ANKLE2: variants seen among roughly 807,000 people sequenced by gnomAD.
The protein encoded by ANKLE2 is ankyrin repeat and LEM domain containing 2.
ANKLE2 carries 55 observed loss-of-function variants against 84.2 expected under a neutral mutation model. The observed-to-expected ratio is 0.65, with a 90% CI of 0.53 to 0.82. The LOEUF (loss-of-function observed/expected upper bound fraction) is 0.82, where lower values mean the gene tolerates loss of function less well. Ranked by LOEUF, ANKLE2 falls within the 40% of genes least tolerant of loss-of-function variation. The probability of loss-of-function intolerance (pLI) is 0.00; values close to 1 mark genes in which losing one functional copy is unlikely to be tolerated. For missense variants in ANKLE2, 1,238 were observed against 1,201.9 expected, an observed-to-expected ratio of 1.03 and a Z score of -0.44; for synonymous variants, 551 against 486.1, an observed-to-expected ratio of 1.13 and a Z score of -1.76.
intron 8 of ANKLE2, 32 bp downstream of exon 8, chr12:132,736,861 C>T (rs774004582): frequency 5.7e-6 from 9 of 1,573,546 alleles, no homozygotes; most frequent in Non-Finnish European, 7.8e-6. Flanking sequence ...GACAGCCAGG[C>T]ACCACTTCCA....
chr12:132,754,199 G>A (rs1024493205), intron 2 of ANKLE2, among the ~76,000 whole-genome samples: 19 of 152,134 alleles, frequency 1.2e-4, no homozygotes, highest in African/African-American at 2.4e-4. Flanking sequence ...CTGAGATCAC[G>A]CCACTGCACT....
intron 1 of ANKLE2, chr12:132,758,278 C>G (rs2044527128): frequency 6.6e-6 from 1 of 152,120 alleles, no homozygotes; most frequent in Non-Finnish European, 1.5e-5. Context: ...GGCATGGTGG[C>G]ATGCACCTGT....
At chr12:132,749,255 A>C (rs1216159027) in intron 3 of ANKLE2, among the ~76,000 whole-genome samples, 1 of 152,034 alleles carries the variant, frequency 6.6e-6, no homozygotes, top group Non-Finnish European at 1.5e-5. Flanking sequence ...TTCCAGTTTC[A>C]AGCAATTCTC....
At chr12:132,757,558 C>T (rs1398087840) in intron 1 of ANKLE2, 1 of 152,390 alleles carries the variant, frequency 6.6e-6, no homozygotes, top group Non-Finnish European at 1.5e-5. Context: ...CGCGGTGACT[C>T]ATGCCTGTAA....
At position 132,727,092 on chromosome 12, in the gene ANKLE2, T is replaced by TAGA; in HGVS notation, c.*147_*149dup. Reference sequence around the variant, plus strand: ...AAATATCAGAAATCTAAGTGTTATATAGAACATTTAAATCTTCTAAAATTC... The same window carrying TAGA: ...AAATATCAGAAATCTAAGTGTTATATAGAAGAACATTTAAATCTTCTAAAATTC... On this transcript the variant is annotated 3_prime_UTR_variant, in exon 13 of 13. Coordinates refer to ENST00000357997, the MANE Select transcript of ANKLE2 (RefSeq NM_015114.3). 5.9e-6 allele frequency: 5 copies of TAGA among 846,746 alleles called. No individual in the cohort carries two copies. Among genetic ancestry groups the TAGA allele is most frequent in the Non-Finnish European group, 8.6e-6 (5 of 580,438 alleles). The allele number at this position is 846,746 out of a possible 1,614,324, so 52.5% of individuals were successfully genotyped here. A position where few individuals can be genotyped will look rare whatever the true frequency, so the allele number is the denominator to read the frequency against.
chr12:132,759,315 A>G (rs1164534811), intron 1 of ANKLE2: 1 of 152,256 alleles, frequency 6.6e-6, no homozygotes, highest in African/African-American at 2.4e-5. Flanking sequence ...GTTTCTGGTA[A>G]TTACAAATAA....
At chr12:132,748,433 T>C in intron 3 of ANKLE2, 102 bp from the exon 4 acceptor site, 1 of 1,361,146 alleles carries the variant, frequency 7.3e-7, no homozygotes, top group Non-Finnish European at 1.0e-6. Flanking sequence ...CACAGAGGCT[T>C]CTGGGCCAAC....
At chr12:132,728,493 G>A (rs772040223) in intron 11 of ANKLE2, among the ~76,000 whole-genome samples, 3 of 152,214 alleles carry the variant, frequency 2.0e-5, no homozygotes, top group Non-Finnish European at 4.4e-5. Flanking sequence ...CTCCCAAAGT[G>A]CTGGAATTAC....
At chr12:132,759,762 T>C (rs2044583435) in intron 1 of ANKLE2, 1 of 151,872 alleles carries the variant, frequency 6.6e-6, no homozygotes, top group Admixed American at 6.6e-5. Context: ...CTTACCCAAC[T>C]CCCAAAAAAG....
chr12:132,741,675 G>A, intron 6 of ANKLE2, 190 bp from the exon 7 acceptor site: 1 of 670,926 alleles, frequency 1.5e-6, no homozygotes, highest in Admixed American at 2.2e-5. Context: ...GAGACAGCTA[G>A]GAGAACACAC....
intron 10 of ANKLE2, among the ~76,000 whole-genome samples, chr12:132,732,385 C>T (rs1356272768): frequency 7.8e-6 from 1 of 128,770 alleles, no homozygotes; most frequent in Non-Finnish European, 1.6e-5. Context: ...AAGCGCTCTG[C>T]GTGCTGGTGT....
rs375441549 is a variant in ANKLE2 at position 132,748,133 on chromosome 12, C to A, written c.1041+5G>T. Reference sequence around the variant, plus strand: ...CACCTGCCCGAGGGAACCGCCGAGACCTACCTGCACGATAGTGGGGTTGTC... The same window carrying A: ...CACCTGCCCGAGGGAACCGCCGAGAACTACCTGCACGATAGTGGGGTTGTC... On this transcript the variant is annotated splice_donor_5th_base_variant and intron_variant, in intron 4 of 12. Coordinates refer to ENST00000357997, the MANE Select transcript of ANKLE2 (RefSeq NM_015114.3). 2.0e-4 allele frequency: 323 copies of A among 1,611,908 alleles called. No individual in the cohort carries two copies. The highest frequency in any genetic ancestry group is 4.3e-4 in the Admixed American group (26 of 59,854).
chr12:132,751,585 G>C (rs897163763), intron 2 of ANKLE2, among the ~76,000 whole-genome samples: 1 of 149,396 alleles, frequency 6.7e-6, no homozygotes, highest in African/African-American at 2.5e-5. Flanking sequence ...CTCAGCTGCC[G>C]AGGCTGGAGT....
At chr12:132,759,091 G>T (rs372322553) in intron 1 of ANKLE2, 1 of 56,274 alleles carries the variant, frequency 1.8e-5, no homozygotes, top group African/African-American at 8.8e-5. Context: ...GTGGCACCCC[G>T]GGGCACCCAC....
intron 10 of ANKLE2, 125 bp from the exon 11 acceptor site, chr12:132,730,395 AC>A: frequency 6.1e-5 from 8 of 132,040 alleles, no homozygotes; most frequent in South Asian, 4.3e-4. Context: ...AAACCTCCCC[AC>A]TCCATCCGCG....
intron 7 of ANKLE2, 150 bp downstream of exon 7, chr12:132,741,269 G>T: frequency 1.4e-6 from 1 of 718,340 alleles, no homozygotes; most frequent in Non-Finnish European, 2.4e-6. Context: ...GAGCTCAGGA[G>T]AAGAAAGGAT....
chr12:132,743,339 G>A lies in ANKLE2; in HGVS notation c.1231-63C>T. The A allele has an allele frequency of 2.7e-6, 4 of 1,504,004 alleles. No individual in the cohort carries two copies. The highest frequency in any genetic ancestry group is 1.8e-6 in the Non-Finnish European group (2 of 1,118,464). The allele number at this position is 1,504,004 out of a possible 1,614,324, so 93.2% of individuals were successfully genotyped here. A position where few individuals can be genotyped will look rare whatever the true frequency, so the allele number is the denominator to read the frequency against. ...TTGTCTCATGAGGTTGCTCTAAGGT[G>A]AAAATACATATTCATTCATTCATTC... is the stretch of plus-strand genomic sequence containing the variant. On this transcript the variant is annotated intron_variant, in intron 5 of 12. Coordinates refer to ENST00000357997, the MANE Select transcript of ANKLE2 (RefSeq NM_015114.3). The surrounding 1 kb of genome is among the most constrained non-coding windows in gnomAD (Gnocchi z 4.1).
chr12:132,737,326 G>C (rs2044032835), intron 7 of ANKLE2: 2 of 403,912 alleles, frequency 5.0e-6, no homozygotes, highest in East Asian at 4.0e-5. Context: ...AGAAAGAAAA[G>C]AAAAGGAAGC....
rs1443723440 is a variant in ANKLE2, at chr12:132,729,981, T to G, written c.2181A>C (p.Pro727=). The change falls in exon 11 of 13, where the codon CCA becomes CCC. Residue 727 remains proline, a synonymous_variant. Coordinates refer to ENST00000357997, the MANE Select transcript of ANKLE2 (RefSeq NM_015114.3). ...ACTCAACAGTCAAATCCGAGACAGG[T>G]GGCAGATGGGCTTCCTCCCCACGGG... The part of the protein sequence containing the change: ...KAPRGEEAHL[P]PVSDLTVEFD... The G allele has an allele frequency of 6.2e-7, 1 of 1,613,272 alleles. No homozygotes were observed. The highest frequency in any genetic ancestry group is 1.3e-5 in the African/African-American group (1 of 74,892).
Sources: allele counts gnomAD v4.1 joint callset (sites outside exome capture counted in the v4.1 genomes callset), GRCh38; gene constraint gnomAD v4.1.1; non-coding constraint Gnocchi (gnomAD v3.1); transcripts MANE v1.5; gene names NCBI Gene and HGNC (gene_info 2026-07-23, HGNC 2026-07-21).